Variants in BTLA observed in about 807,000 individuals in gnomAD.
The protein encoded by BTLA is B- and T-lymphocyte attenuator.
Under a neutral mutation model 25.0 loss-of-function variants are expected in BTLA, and 11 were observed. The observed-to-expected ratio is 0.44, with a 90% CI of 0.28 to 0.73. The LOEUF (loss-of-function observed/expected upper bound fraction) is 0.73, where lower values mean the gene tolerates loss of function less well. Ranked by LOEUF, BTLA falls within the 30% of genes least tolerant of loss-of-function variation. The pLI, the probability that BTLA is intolerant of heterozygous loss-of-function variation, is 0.15. For synonymous variants in BTLA, 104 were observed against 119.8 expected (o/e 0.87, Z 0.86); for missense variants, 282 against 332.8 (o/e 0.85, Z 1.19).
intron 2 of BTLA, among the ~76,000 whole-genome samples, chr3:112,472,880 T>C (rs2082270404): frequency 1.3e-5 from 2 of 151,924 alleles, no homozygotes; most frequent in Non-Finnish European, 2.9e-5. Flanking sequence ...GCCAAACCAC[T>C]GCCAGGAGTG....
At position 112,490,258 on chromosome 3, in the gene BTLA, A is replaced by G. The variant is rs529185475; in HGVS notation, c.88+9013T>C. ...AAATAAACCACTCCATAAGTCAGATATTCTCAGAAGTACTAGGAATACCTG... is the reference window on the plus strand; with the variant it reads ...AAATAAACCACTCCATAAGTCAGATGTTCTCAGAAGTACTAGGAATACCTG... On this transcript the variant is annotated intron_variant, in intron 1 of 4. Coordinates refer to ENST00000334529, the MANE Select transcript of BTLA (RefSeq NM_181780.4). 3.3e-5 allele frequency among the ~76,000 whole-genome samples: 5 copies of G among 152,346 alleles called. No homozygotes were observed. In the East Asian group the frequency reaches 9.6e-4, roughly 29 times the overall value.
chr3:112,471,123 A>G lies in BTLA; in HGVS notation c.547+89T>C. ...GGTTTACAGGATTGGGAAAGAAAACAACAGGAAGAAACTAAAAATCCTTTA... is the reference window on the plus strand; with the variant it reads ...GGTTTACAGGATTGGGAAAGAAAACGACAGGAAGAAACTAAAAATCCTTTA... On this transcript the variant is annotated intron_variant, in intron 3 of 4. Coordinates refer to ENST00000334529, the MANE Select transcript of BTLA (RefSeq NM_181780.4). 4 of 1,402,922 alleles carry G rather than the reference A, an allele frequency of 2.9e-6. No individual in the cohort carries two copies. In the South Asian group the frequency reaches 5.8e-5, roughly 20 times the overall value. 86.9% of individuals were successfully genotyped at this position (1,402,922 alleles called of 1,614,324 possible). A position where few individuals can be genotyped will look rare whatever the true frequency, so the allele number is the denominator to read the frequency against.
chr3:112,493,168 C>A (rs950334502), intron 1 of BTLA, among the ~76,000 whole-genome samples: 1 of 152,164 alleles, frequency 6.6e-6, no homozygotes, highest in African/African-American at 2.4e-5. Context: ...GCATATGATA[C>A]AATTCACTGA....
At position 112,465,925 on chromosome 3, in the gene BTLA, A is replaced by G. The variant is rs2971205; in HGVS notation, c.*183T>C. 0.075 allele frequency: 41,886 copies of G among 561,200 alleles called. 2,788 individuals carry two copies. Among genetic ancestry groups the G allele is most frequent in the African/African-American group, 0.21 (10,899 of 52,880 alleles). 34.8% of individuals were successfully genotyped at this position (561,200 alleles called of 1,614,324 possible). On this transcript the variant is annotated 3_prime_UTR_variant, in exon 5 of 5. Transcript: ENST00000334529. ...AGGCTATAATATAAAAAGCTCCCAAATAAGTTTCTGAGAGAAATTTTAATC... is the reference window on the plus strand; with the variant it reads ...AGGCTATAATATAAAAAGCTCCCAAGTAAGTTTCTGAGAGAAATTTTAATC...
rs1039754915 is a variant in BTLA at position 112,471,486 on chromosome 3, C to T, written c.404-131G>A. Reference sequence around the variant, plus strand: ...AATGCCTCCATTTCCCCTTCAGAGGCATTCCTCAAGAATCCCAGTGCCCTC... The same window carrying T: ...AATGCCTCCATTTCCCCTTCAGAGGTATTCCTCAAGAATCCCAGTGCCCTC... On this transcript the variant is annotated intron_variant, in intron 2 of 4. Transcript: ENST00000334529. The T allele has an allele frequency of 8.8e-6, 9 of 1,018,480 alleles. No homozygotes were observed. In the African/African-American group the frequency reaches 1.5e-4, roughly 16 times the overall value. 63.1% of individuals were successfully genotyped at this position (1,018,480 alleles called of 1,614,324 possible). A position where few individuals can be genotyped will look rare whatever the true frequency, so the allele number is the denominator to read the frequency against.
At chr3:112,487,816 C>G (rs1195620597) in intron 1 of BTLA, among the ~76,000 whole-genome samples, 1 of 152,088 alleles carries the variant, frequency 6.6e-6, no homozygotes, top group Admixed American at 6.5e-5. Flanking sequence ...GCTTTCAGAT[C>G]CCTCAAGAGG....
At chr3:112,487,986 C>T (rs2082357582) in intron 1 of BTLA, among the ~76,000 whole-genome samples, 2 of 152,160 alleles carry the variant, frequency 1.3e-5, no homozygotes, top group Non-Finnish European at 2.9e-5. Flanking sequence ...ACCTGGGGAG[C>T]CATCTTAGTC....
chr3:112,495,169 T>TGAGAACCA (rs2082402543), intron 1 of BTLA, among the ~76,000 whole-genome samples: 1 of 152,206 alleles, frequency 6.6e-6, no homozygotes, highest in Non-Finnish European at 1.5e-5. Flanking sequence ...ATGAGAAAAC[T>TGAGAACCA]GAGAACCAGA....
At chr3:112,497,366 TAATC>T (rs1312893470) in intron 1 of BTLA, among the ~76,000 whole-genome samples, 1 of 152,190 alleles carries the variant, frequency 6.6e-6, no homozygotes, top group Non-Finnish European at 1.5e-5. Flanking sequence ...AGAAGAGACT[TAATC>T]AATGCCATAC....
At chr3:112,496,068 T>A (rs1412331180) in intron 1 of BTLA, among the ~76,000 whole-genome samples, 1 of 152,202 alleles carries the variant, frequency 6.6e-6, no homozygotes, top group Admixed American at 6.5e-5. Context: ...TTATTCTGCA[T>A]CATATATGGT....
intron 2 of BTLA, among the ~76,000 whole-genome samples, chr3:112,475,738 C>T (rs1445532509): frequency 6.6e-6 from 1 of 152,020 alleles, no homozygotes; most frequent in Non-Finnish European, 1.5e-5. Context: ...GGCTTCTCTT[C>T]CAAGGAAGGT....
At chr3:112,472,906 T>C (rs985459857) in intron 2 of BTLA, among the ~76,000 whole-genome samples, 5 of 151,842 alleles carry the variant, frequency 3.3e-5, no homozygotes, top group Non-Finnish European at 2.9e-5. Context: ...AACAGCTGCC[T>C]GGGGGAGGGT....
At chr3:112,469,415 A>G (rs981127613) in intron 4 of BTLA, among the ~76,000 whole-genome samples, 11 of 152,002 alleles carry the variant, frequency 7.2e-5, no homozygotes, top group African/African-American at 2.7e-4. Flanking sequence ...ATAAATGAAT[A>G]GCCTGAAGCC....
At chr3:112,494,515 C>T (rs1198546199) in intron 1 of BTLA, among the ~76,000 whole-genome samples, 1 of 152,094 alleles carries the variant, frequency 6.6e-6, no homozygotes, top group Non-Finnish European at 1.5e-5. Flanking sequence ...AAATGCCCAT[C>T]AATGATAGAC....
At chr3:112,482,152 A>C (rs2082321301) in intron 1 of BTLA, among the ~76,000 whole-genome samples, 1 of 151,916 alleles carries the variant, frequency 6.6e-6, no homozygotes, top group South Asian at 2.1e-4. Flanking sequence ...CTTTTAAATT[A>C]TTTTTTTCTC....
chr3:112,497,707 T>G (rs1422212207), intron 1 of BTLA, among the ~76,000 whole-genome samples: 1 of 152,080 alleles, frequency 6.6e-6, no homozygotes, highest in Non-Finnish European at 1.5e-5. Flanking sequence ...AACTAAGGAC[T>G]TTTTTACTTT....
In BTLA at chr3:112,464,174, C is replaced by T. The variant is rs890709748; in HGVS notation, c.*1934G>A. The T allele has an allele frequency of 3.3e-5, 13 of 397,900 alleles. No homozygotes were observed. In the Admixed American group the frequency reaches 3.5e-4, roughly 11 times the overall value. The allele number at this position is 397,900 out of a possible 1,614,324, so 24.6% of individuals were successfully genotyped here. A position where few individuals can be genotyped will look rare whatever the true frequency, so the allele number is the denominator to read the frequency against. ...ACACCATTTTGAAAAGGAATAAAAA[C>T]ATAAATGATTTGTGATTTTGGCAAA... On this transcript the variant is annotated 3_prime_UTR_variant, in exon 5 of 5. Coordinates refer to ENST00000334529, the MANE Select transcript of BTLA (RefSeq NM_181780.4).
At chr3:112,470,216 G>A (rs2082254903) in intron 3 of BTLA, 1 of 154,074 alleles carries the variant, frequency 6.5e-6, no homozygotes, top group African/African-American at 2.4e-5. Context: ...GAAGTTCTGA[G>A]AGAGGTTCCA....
At chr3:112,495,084 A>G (rs2082402115) in intron 1 of BTLA, among the ~76,000 whole-genome samples, 1 of 152,202 alleles carries the variant, frequency 6.6e-6, no homozygotes. Context: ...GCCATGCACT[A>G]TTCTAAGTGT....
Sources: allele counts gnomAD v4.1 joint callset (sites outside exome capture counted in the v4.1 genomes callset), GRCh38; gene constraint gnomAD v4.1.1; transcripts MANE v1.5; gene names NCBI Gene and HGNC (gene_info 2026-07-23, HGNC 2026-07-21).